TLK1: variants seen among roughly 807,000 people sequenced by gnomAD.
TLK1 encodes serine/threonine-protein kinase tousled-like 1.
In TLK1, 24 loss-of-function variants were observed where a neutral mutation model predicts 105.3. That is an observed-to-expected ratio of 0.23 (90% confidence interval 0.17 to 0.32). The LOEUF (loss-of-function observed/expected upper bound fraction) is 0.32, where lower values mean the gene tolerates loss of function less well. Ranked by LOEUF, TLK1 falls within the 10% of genes least tolerant of loss-of-function variation. The pLI is 1.00. For missense variants in TLK1, 558 were observed against 910.5 expected, an observed-to-expected ratio of 0.61 and a Z score of 4.98; for synonymous variants, 321 against 310.4, an observed-to-expected ratio of 1.03 and a Z score of -0.36.
intron 12 of TLK1, chr2:171,022,953 T>C (rs1685596693): frequency 2.4e-6 from 1 of 409,452 alleles, no homozygotes; most frequent in Middle Eastern, 4.1e-4. Context: ...AGTTGCATGG[T>C]CCACTGTGAA....
intron 11 of TLK1, among the ~76,000 whole-genome samples, chr2:171,043,552 G>C (rs1449774646): frequency 6.6e-6 from 1 of 152,094 alleles, no homozygotes; most frequent in Non-Finnish European, 1.5e-5. Flanking sequence ...AAAACAGACT[G>C]CAGGAAGAGA....
chr2:171,194,155 A>G (rs763569056), intron 1 of TLK1, among the ~76,000 whole-genome samples: 5 of 152,182 alleles, frequency 3.3e-5, no homozygotes, highest in Non-Finnish European at 5.9e-5. Flanking sequence ...GAAGAAATAT[A>G]TTTCTTTAAG....
At position 170,993,246 on chromosome 2, in the gene TLK1, T is replaced by G. The variant is rs1414096003; in HGVS notation, c.*534A>C. On this transcript the variant is annotated 3_prime_UTR_variant, in exon 21 of 21. Coordinates refer to ENST00000431350, the MANE Select transcript of TLK1 (RefSeq NM_012290.5). ...TGTCCAAAGATTCTAACTCTCACAT[T>G]CTATTACTATAAAACACAACTGTCA... 3 of 152,652 alleles carry G rather than the reference T, an allele frequency of 2.0e-5. No individual in the cohort carries two copies. The highest frequency in any genetic ancestry group is 1.3e-4 in the Admixed American group (2 of 15,276). The allele number at this position is 152,652 out of a possible 1,614,324, so 9.5% of individuals were successfully genotyped here.
At chr2:171,147,304 T>C (rs760768852) in intron 1 of TLK1, among the ~76,000 whole-genome samples, 30 of 152,298 alleles carry the variant, frequency 2.0e-4, no homozygotes, top group African/African-American at 5.8e-4. Context: ...CAGAGAACAA[T>C]AGACTAAAAT....
At chr2:171,215,345 AGTT>A (rs1693693552) in intron 1 of TLK1, among the ~76,000 whole-genome samples, 1 of 152,216 alleles carries the variant, frequency 6.6e-6, no homozygotes, top group African/African-American at 2.4e-5. Flanking sequence ...TATTGTGTTT[AGTT>A]TCCAACACAA....
chr2:171,119,085 C>A (rs1191398465), intron 1 of TLK1, among the ~76,000 whole-genome samples: 2 of 152,178 alleles, frequency 1.3e-5, no homozygotes. Flanking sequence ...CACAAGTACC[C>A]TACCTCTCTG....
chr2:171,178,514 G>A (rs1261081370), intron 1 of TLK1, among the ~76,000 whole-genome samples: 1 of 152,158 alleles, frequency 6.6e-6, no homozygotes, highest in Admixed American at 6.6e-5. Context: ...ATAGGCTGGG[G>A]TGAAGACACC....
At chr2:171,083,017 A>C (rs1015072345) in intron 2 of TLK1, among the ~76,000 whole-genome samples, 165 bp from the exon 3 acceptor site, 1 of 152,206 alleles carries the variant, frequency 6.6e-6, no homozygotes, top group African/African-American at 2.4e-5. Flanking sequence ...AAGAAATACT[A>C]AATTCTTAAC....
chr2:171,209,380 G>A (rs1247683687), intron 1 of TLK1, among the ~76,000 whole-genome samples: 1 of 151,986 alleles, frequency 6.6e-6, no homozygotes, highest in Non-Finnish European at 1.5e-5. Flanking sequence ...TAAATTATTA[G>A]GTATCTATGT....
chr2:171,127,449 T>C (rs1461702468), intron 1 of TLK1, among the ~76,000 whole-genome samples: 2 of 152,188 alleles, frequency 1.3e-5, no homozygotes, highest in Admixed American at 6.5e-5. Context: ...TTGTTGGCTA[T>C]ACTATGTTGC....
intron 18 of TLK1, among the ~76,000 whole-genome samples, chr2:171,004,539 C>T (rs1684556201): frequency 6.6e-6 from 1 of 152,166 alleles, no homozygotes; most frequent in African/African-American, 2.4e-5. Flanking sequence ...CCTTCCAGTA[C>T]AGCCCCTGAA....
chr2:171,035,027 A>G (rs1395824991), intron 11 of TLK1, among the ~76,000 whole-genome samples: 5 of 152,056 alleles, frequency 3.3e-5, no homozygotes, highest in Admixed American at 6.6e-5. Flanking sequence ...TGAGTCTCAC[A>G]AGATCTGATG....
intron 1 of TLK1, among the ~76,000 whole-genome samples, chr2:171,216,517 G>A (rs1169263858): frequency 1.3e-5 from 2 of 152,048 alleles, no homozygotes; most frequent in South Asian, 2.1e-4. Context: ...AACAACTTAC[G>A]AGATTAATGA....
intron 1 of TLK1, among the ~76,000 whole-genome samples, chr2:171,121,962 T>C (rs1440585476): frequency 1.3e-5 from 2 of 152,178 alleles, no homozygotes; most frequent in Non-Finnish European, 2.9e-5. Flanking sequence ...TTTGTTTGTT[T>C]TTTGAGACGC....
rs1559340377 is a variant in TLK1 at position 171,011,480 on chromosome 2, CAT to C, written c.1335-28_1335-27del. The C allele has an allele frequency of 1.9e-6, 3 of 1,583,412 alleles. No homozygotes were observed. In the South Asian group the frequency reaches 3.4e-5, roughly 18 times the overall value. On this transcript the variant is annotated intron_variant, in intron 13 of 20. Transcript: ENST00000431350. ...CTTAGAGGTGGGGGCAAAAAACAGA[CAT>C]ATTAAAACACACACATAAAAATTCC...
chr2:171,081,840 A>C (rs1339308847), intron 3 of TLK1: 1 of 506,072 alleles, frequency 2.0e-6, no homozygotes, highest in Non-Finnish European at 3.4e-6. Flanking sequence ...CAGAGCTAAA[A>C]AGATGCCACC....
chr2:171,174,058 T>C (rs1575646291), intron 1 of TLK1, among the ~76,000 whole-genome samples: 1 of 152,204 alleles, frequency 6.6e-6, no homozygotes, highest in East Asian at 1.9e-4. Context: ...CAAACTTTTA[T>C]TATTTTTCCT....
intron 3 of TLK1, among the ~76,000 whole-genome samples, chr2:171,074,876 G>C (rs778573115): frequency 2.0e-5 from 3 of 151,954 alleles, no homozygotes; most frequent in Non-Finnish European, 4.4e-5. Context: ...GAGGAGAACA[G>C]ATTTAAAGAG....
At chr2:171,080,709 CTTT>C (rs1294233851) in intron 3 of TLK1, among the ~76,000 whole-genome samples, 1 of 144,352 alleles carries the variant, frequency 6.9e-6, no homozygotes, top group African/African-American at 2.5e-5. Context: ...AAAGATTTTT[CTTT>C]TTTTTTTTTT....
Sources: allele counts gnomAD v4.1 joint callset (sites outside exome capture counted in the v4.1 genomes callset), GRCh38; gene constraint gnomAD v4.1.1; transcripts MANE v1.5; gene names NCBI Gene and HGNC (gene_info 2026-07-23, HGNC 2026-07-21).